The following GOLGA3 variants were observed in gnomAD, a reference collection of about 807,000 sequenced individuals.
GOLGA3 encodes the protein golgin A3.
Under a neutral mutation model 169.4 loss-of-function variants are expected in GOLGA3, and 75 were observed. That is an observed-to-expected ratio of 0.44 (90% CI 0.37 to 0.54). The LOEUF is 0.54. GOLGA3 is among the 20% of genes least tolerant of loss of function. The pLI, the probability that GOLGA3 is intolerant of heterozygous loss-of-function variation, is 0.00. For missense variants in GOLGA3, 1,899 were observed against 1,930.0 expected, an observed-to-expected ratio of 0.98 and a Z score of 0.30; for synonymous variants, 824 against 822.4, an observed-to-expected ratio of 1.00 and a Z score of -0.03.
At chr12:132,791,411 G>C in intron 11 of GOLGA3, 118 bp from the exon 12 acceptor site, 1 of 600,844 alleles carries the variant, frequency 1.7e-6, no homozygotes, top group African/African-American at 1.9e-5. Flanking sequence ...GTTACAGAGA[G>C]CTCCAGGAGG....
At position 132,774,274 on chromosome 12, in the gene GOLGA3, G is replaced by A. The variant is rs1219044946; in HGVS notation, c.4190C>T (p.Pro1397Leu). 1 of 1,612,850 alleles carries A rather than the reference G, an allele frequency of 6.2e-7. No homozygotes were observed. Among genetic ancestry groups the A allele is most frequent in the Non-Finnish European group, 8.5e-7 (1 of 1,180,016 alleles). Residue 1397 changes from proline to leucine, a missense_variant, in exon 23 of 24, where the codon CCC (proline) becomes CTC (leucine). Coordinates refer to ENST00000450791, the MANE Select transcript of GOLGA3 (RefSeq NM_001389683.1). ...AACTGGGCAGTCCGGGATCTTGATG[G>A]GCGTGGCAGGGTTGGAAGAGCTGGC... ...GEASSSNPAT[P>L]IKIPDCPVPA...
intron 2 of GOLGA3, among the ~76,000 whole-genome samples, chr12:132,820,794 T>C (rs1332566195): frequency 2.0e-5 from 3 of 152,094 alleles, no homozygotes; most frequent in Admixed American, 6.6e-5. Context: ...ATTCAGCAAC[T>C]GACCAATCAA....
In GOLGA3 at chr12:132,774,311, G is replaced by T; in HGVS notation, c.4153C>A (p.Pro1385Thr). ...RRGAAKTRKE[P>T]KGEASSSNPA... The stretch of plus-strand genomic sequence containing the variant: ...TTGGAAGAGCTGGCCTCGCCTTTCG[G>T]CTCCTTTCTCTGTTTTTAAAAGCAC... Residue 1385 changes from proline to threonine, a missense_variant, in exon 23 of 24, where the codon CCG becomes ACG. Pro to Thr is a conservative substitution (Grantham distance 38). Transcript: ENST00000450791. 6.2e-7 allele frequency: 1 copy of T among 1,611,832 alleles called. No homozygotes were observed.
chr12:132,774,113 A>C, intron 23 of GOLGA3, 44 bp downstream of exon 23: 3 of 1,514,928 alleles, frequency 2.0e-6, no homozygotes, highest in Non-Finnish European at 2.7e-6. Flanking sequence ...AGAGGGCATT[A>C]ATCTTTAAGA....
intron 9 of GOLGA3, among the ~76,000 whole-genome samples, chr12:132,797,871 T>C (rs1593303398): frequency 6.6e-6 from 1 of 152,324 alleles, no homozygotes; most frequent in African/African-American, 2.4e-5. Flanking sequence ...GAGGGTTAAA[T>C]GGCAATGCAG....
intron 18 of GOLGA3, among the ~76,000 whole-genome samples, chr12:132,780,013 GCA>G (rs1249642799): frequency 2.3e-5 from 3 of 129,850 alleles, no homozygotes; most frequent in South Asian, 2.5e-4. Flanking sequence ...ACACACGTGC[GCA>G]CACACACCAC....
rs149406085 is a variant in GOLGA3 at position 132,795,805 on chromosome 12, T to C, written c.2469+47A>G. The C allele has an allele frequency of 8.9e-4, 1,383 of 1,556,376 alleles. 7 individuals are homozygous for C. In the African/African-American group the frequency reaches 0.017, roughly 19 times the overall value. Reference sequence around the variant, plus strand: ...AGAAGCAAATAATCAGCATCATTCCTGCAAGGAGGGTTCTGATTCAAAACA... The same window carrying C: ...AGAAGCAAATAATCAGCATCATTCCCGCAAGGAGGGTTCTGATTCAAAACA... On this transcript the variant is annotated intron_variant, in intron 11 of 23. Coordinates refer to ENST00000450791, the MANE Select transcript of GOLGA3 (RefSeq NM_001389683.1).
chr12:132,827,119 T>C (rs538350475), intron 1 of GOLGA3, among the ~76,000 whole-genome samples: 1 of 152,280 alleles, frequency 6.6e-6, no homozygotes, highest in East Asian at 1.9e-4. Context: ...CACACCTGAA[T>C]TCTGTATACA....
At chr12:132,805,285 C>A (rs1417483155) in intron 6 of GOLGA3, among the ~76,000 whole-genome samples, 1 of 126,206 alleles carries the variant, frequency 7.9e-6, no homozygotes, top group Non-Finnish European at 1.7e-5. Flanking sequence ...CAAGGCCTGA[C>A]AGAGGACCCT....
intron 7 of GOLGA3, 41 bp from the exon 8 acceptor site, chr12:132,802,010 C>G (rs1949150935): frequency 3.9e-6 from 6 of 1,538,518 alleles, no homozygotes; most frequent in Non-Finnish European, 5.3e-6. Flanking sequence ...CAGCGACGGC[C>G]AACGGGGGAG....
rs765852264 is a variant in GOLGA3 at position 132,796,008 on chromosome 12, C to G, written c.2313G>C (p.Leu771=). 6.2e-7 allele frequency: 1 copy of G among 1,613,336 alleles called. No individual in the cohort carries two copies. The highest frequency in any genetic ancestry group is 8.5e-7 in the Non-Finnish European group (1 of 1,180,032). Reference sequence around the variant, plus strand: ...CCTCCAAGATGATCTTCTCGTTCTGCAGGAGGCAGATCGTGTCCTCCCTGG... The same window carrying G: ...CCTCCAAGATGATCTTCTCGTTCTGGAGGAGGCAGATCGTGTCCTCCCTGG... ...AASREDTICL[L]QNEKIILEAA... The change falls in exon 11 of 24, where the codon CTG becomes CTC. Residue 771 remains leucine, a synonymous_variant. Coordinates refer to ENST00000450791, the MANE Select transcript of GOLGA3 (RefSeq NM_001389683.1).
chr12:132,795,915 A>G lies in GOLGA3; in HGVS notation c.2406T>C (p.Gly802=). 6.2e-7 allele frequency: 1 copy of G among 1,614,148 alleles called. No homozygotes were observed. The highest frequency in any genetic ancestry group is 8.5e-7 in the Non-Finnish European group (1 of 1,180,020). ...CTAAAGTTTCCGACGTTTCCTCGGT[A>G]CCTTCTTCCAAGCGTCTTGCTCCTC... The part of the protein sequence containing the change: ...LDRGARRLEE[G]TEETSETLEK... The change falls in exon 11 of 24, where the codon GGT becomes GGC. Residue 802 remains glycine (G), a synonymous_variant. Transcript: ENST00000450791.
At chr12:132,807,582 T>C (rs1439235061) in intron 5 of GOLGA3, among the ~76,000 whole-genome samples, 1 of 152,164 alleles carries the variant, frequency 6.6e-6, no homozygotes, top group Non-Finnish European at 1.5e-5. Flanking sequence ...ACACAGACCA[T>C]TGCTGATCTA....
intron 7 of GOLGA3, among the ~76,000 whole-genome samples, chr12:132,803,310 C>A (rs1949224617): frequency 6.6e-6 from 1 of 152,280 alleles, no homozygotes; most frequent in Middle Eastern, 3.4e-3. Flanking sequence ...GTGGTTCAAA[C>A]AAATTTAATC....
At chr12:132,798,606 C>T in intron 8 of GOLGA3, 129 bp from the exon 9 acceptor site, 2 of 688,340 alleles carry the variant, frequency 2.9e-6, no homozygotes, top group South Asian at 1.8e-5. Flanking sequence ...GCAAGCCCCA[C>T]TACCCACTAC....
At chr12:132,780,593 C>T (rs771661122) in intron 18 of GOLGA3, among the ~76,000 whole-genome samples, 2 of 152,250 alleles carry the variant, frequency 1.3e-5, no homozygotes, top group Non-Finnish European at 2.9e-5. Context: ...TGGCCCCAGG[C>T]CCTCACAGCT....
intron 4 of GOLGA3, among the ~76,000 whole-genome samples, chr12:132,812,202 C>CACACAA (rs1280325697): frequency 1.7e-5 from 2 of 117,956 alleles, no homozygotes; most frequent in Admixed American, 8.8e-5. Context: ...TACACACACA[C>CACACAA]ACACACACAC....
intron 12 of GOLGA3, among the ~76,000 whole-genome samples, chr12:132,790,011 C>T (rs1027326631): frequency 1.3e-5 from 2 of 149,348 alleles, no homozygotes; most frequent in Non-Finnish European, 1.5e-5. Context: ...CCAGCCCGGG[C>T]GACACAGCCA....
chr12:132,786,652 C>G, intron 14 of GOLGA3, 41 bp downstream of exon 14: 2 of 1,479,880 alleles, frequency 1.4e-6, no homozygotes, highest in Non-Finnish European at 1.9e-6. Context: ...CCGCACCTCC[C>G]ACCTGGCCCC....
Sources: gnomAD v4.1 joint callset for allele counts (sites outside exome capture counted in the v4.1 genomes callset) on GRCh38, gnomAD v4.1.1 for gene constraint, MANE v1.5 for transcripts, NCBI Gene and HGNC (gene_info 2026-07-23, HGNC 2026-07-21) for gene names.